DMTN: variants seen among roughly 807,000 people sequenced by gnomAD.
The protein encoded by DMTN is dematin.
In DMTN, 27 loss-of-function variants were observed where a neutral mutation model predicts 59.4. The ratio of observed to expected loss-of-function variants is 0.45; its 90% CI spans 0.33 to 0.63. The LOEUF is 0.63. Among genes scored for constraint, DMTN ranks in the 20% least tolerant of loss-of-function variants. The probability of loss-of-function intolerance (pLI) is 0.02; values close to 1 mark genes in which losing one functional copy is unlikely to be tolerated. For synonymous variants in DMTN, 221 were observed against 203.7 expected, an observed-to-expected ratio of 1.08 and a Z score of -0.72; for missense variants, 451 against 528.9, an observed-to-expected ratio of 0.85 and a Z score of 1.45.
In DMTN at chr8:22,081,093, G is replaced by GGGGGGCC; in HGVS notation, c.1024-20_1024-19insGGGGGCC. The GGGGGGCC allele has an allele frequency of 6.4e-7, 1 of 1,572,874 alleles. No individual in the cohort carries two copies. The stretch of plus-strand genomic sequence containing the variant: ...CAGGATATTCTGTGAGCCTAAGATT[G>GGGGGGCC]CCCCTCCCCCCACCCCCAGATCTAT... On this transcript the variant is annotated intron_variant, in intron 14 of 15. Transcript: ENST00000358242.
intron 12 of DMTN, 26 bp downstream of exon 12, chr8:22,080,486 G>C: frequency 1.1e-5 from 18 of 1,614,248 alleles, no homozygotes; most frequent in Non-Finnish European, 1.5e-5. Flanking sequence ...TGGTGCCGGG[G>C]TCTGGAGAAG....
chr8:22,080,554 G>T, intron 12 of DMTN, 64 bp from the exon 13 acceptor site: 3 of 1,613,652 alleles, frequency 1.9e-6, no homozygotes, highest in Non-Finnish European at 2.5e-6. Context: ...GGTCTGGTGA[G>T]GTCAGGCGTG....
intron 11 of DMTN, 70 bp downstream of exon 11, chr8:22,080,314 C>A: frequency 1.2e-6 from 2 of 1,612,298 alleles, no homozygotes; most frequent in Non-Finnish European, 1.7e-6. Flanking sequence ...AGGGACTGAG[C>A]CACTTGGGCA....
intron 10 of DMTN, among the ~76,000 whole-genome samples, chr8:22,078,219 G>A (rs939373112): frequency 6.6e-6 from 1 of 151,904 alleles, no homozygotes; most frequent in African/African-American, 2.4e-5. Flanking sequence ...ACAAAAATTA[G>A]CTGGGCATGG....
At chr8:22,066,974 CCCGCCGCGCA>C (rs1811152321) in intron 2 of DMTN, 81 bp downstream of exon 2, 3 of 1,243,342 alleles carry the variant, frequency 2.4e-6, no homozygotes, top group Non-Finnish European at 2.0e-6. Flanking sequence ...CTGGTGGCCA[CCCGCCGCGCA>C]GCGCCGCGCA....
intron 10 of DMTN, among the ~76,000 whole-genome samples, chr8:22,076,572 TTGTATATATATATGTATATATGTGTGTG>T (rs1176430979): frequency 6.6e-6 from 1 of 151,818 alleles, no homozygotes; most frequent in African/African-American, 2.4e-5. Context: ...CTGTCTCTAA[TTGTATATATATATGTATATATGTGTGTG>T]TGTATATATA....
intron 1 of DMTN, among the ~76,000 whole-genome samples, chr8:22,061,658 C>T (rs1806595427): frequency 6.6e-6 from 1 of 152,154 alleles, no homozygotes. Flanking sequence ...CTCCCTCCTG[C>T]CCCTCTCTGT....
chr8:22,061,503 C>T (rs1474173798), intron 1 of DMTN, among the ~76,000 whole-genome samples: 1 of 152,086 alleles, frequency 6.6e-6, no homozygotes, highest in East Asian at 1.9e-4. Context: ...CATGGCTTAC[C>T]CTGGGCCACT....
intron 10 of DMTN, among the ~76,000 whole-genome samples, chr8:22,076,248 A>G (rs1174602508): frequency 1.3e-5 from 2 of 152,026 alleles, no homozygotes; most frequent in African/African-American, 4.8e-5. Flanking sequence ...GCTTGCTCAT[A>G]TGTGGCAGGA....
At chr8:22,073,926 A>G in intron 10 of DMTN, 91 bp downstream of exon 10, 1 of 1,036,026 alleles carries the variant, frequency 9.7e-7, no homozygotes. Flanking sequence ...TACAGGATGC[A>G]ATCCCTGACC....
chr8:22,049,061 C>A (rs1801049359), upstream of DMTN: 1 of 142,626 alleles, frequency 7.0e-6, no homozygotes, highest in Admixed American at 6.9e-5. Flanking sequence ...AAAACCCGAG[C>A]CCCCGGAGGG....
At chr8:22,049,169 CG>C (rs1430536074), upstream of DMTN, 1 of 145,580 alleles carries the variant, frequency 6.9e-6, no homozygotes, top group Non-Finnish European at 1.5e-5. Context: ...CGGCGGAGCC[CG>C]GGCGGCCCGC....
upstream of DMTN, among the ~76,000 whole-genome samples, chr8:22,050,525 C>CCCCTCCCTCCCTCCCTCCCT (rs555918033): frequency 1.1e-4 from 17 of 150,630 alleles, no homozygotes; most frequent in African/African-American, 4.2e-4. Context: ...CTTTCTCCGG[C>CCCCTCCCTCCCTCCCTCCCT]CCCTCCCTCC....
rs1243354154 is a variant in DMTN at position 22,072,249 on chromosome 8, A to T, written c.605-77A>T. 4.0e-6 allele frequency: 6 copies of T among 1,507,100 alleles called. No homozygotes were observed. The African/African-American group carries it at 8.4e-5, about 21-fold the overall frequency. The allele number at this position is 1,507,100 out of a possible 1,614,324, so 93.4% of individuals were successfully genotyped here. On this transcript the variant is annotated intron_variant, in intron 8 of 15. Coordinates refer to ENST00000358242, the MANE Select transcript of DMTN (RefSeq NM_001387751.1). ...ATCAAGGTCCAGCCCAGAGCAGTGC[A>T]CAGAGGCTGTGCCATGTAAACACAC...
upstream of DMTN, chr8:22,054,724 TTGG>T (rs1308185103): frequency 2.6e-5 from 4 of 152,790 alleles, no homozygotes; most frequent in African/African-American, 4.8e-5. Flanking sequence ...GATGGGGTAC[TTGG>T]TGGGGTTCAC....
intron 10 of DMTN, 37 bp downstream of exon 10, chr8:22,073,872 A>G: frequency 1.3e-6 from 2 of 1,558,664 alleles, no homozygotes; most frequent in Non-Finnish European, 1.8e-6. Context: ...TCACCTGGCC[A>G]GAGATGGAGG....
chr8:22,070,621 G>C (rs1271954771), intron 8 of DMTN, among the ~76,000 whole-genome samples: 1 of 152,170 alleles, frequency 6.6e-6, no homozygotes, highest in African/African-American at 2.4e-5. Flanking sequence ...CTCTGTGAGG[G>C]GAGCACTGGG....
At chr8:22,066,638 CG>C in intron 1 of DMTN, 66 bp from the exon 2 acceptor site, 1 of 353,892 alleles carries the variant, frequency 2.8e-6, no homozygotes, top group South Asian at 9.9e-5. Context: ...GCCTGGAGAG[CG>C]GCCGCCCGCG....
At chr8:22,059,010 G>C (rs1045439742) in intron 1 of DMTN, among the ~76,000 whole-genome samples, 1 of 151,954 alleles carries the variant, frequency 6.6e-6, no homozygotes, top group Admixed American at 6.5e-5. Flanking sequence ...GCCCTGCAGC[G>C]CCGCACTGCT....
Sources: gnomAD v4.1 joint callset for allele counts (sites outside exome capture counted in the v4.1 genomes callset) on GRCh38, gnomAD v4.1.1 for gene constraint, MANE v1.5 for transcripts, NCBI Gene and HGNC (gene_info 2026-07-23, HGNC 2026-07-21) for gene names.